Variants in PITPNC1 observed in about 807,000 individuals in gnomAD.
The protein encoded by PITPNC1 is phosphatidylinositol transfer protein cytoplasmic 1, also known as cytoplasmic phosphatidylinositol transfer protein 1.
A neutral mutation model predicts 44.7 loss-of-function variants in PITPNC1; 18 were observed. The observed-to-expected ratio is 0.40, with a 90% CI of 0.28 to 0.60. The LOEUF (loss-of-function observed/expected upper bound fraction) is 0.60. Ranked by LOEUF, PITPNC1 falls within the 20% of genes least tolerant of loss-of-function variation. PITPNC1 has a pLI of 0.39. For synonymous variants in PITPNC1, 141 were observed against 149.6 expected (o/e 0.94, Z 0.42); for missense variants, 290 against 418.4 (o/e 0.69, Z 2.68).
At chr17:67,505,668 G>T (rs1353029255) in intron 1 of PITPNC1, among the ~76,000 whole-genome samples, 2 of 152,006 alleles carry the variant, frequency 1.3e-5, no homozygotes, top group Non-Finnish European at 2.9e-5. Flanking sequence ...GTAGAGATGG[G>T]GTTTTACCGT....
chr17:67,634,697 G>A (rs997517333), intron 6 of PITPNC1, among the ~76,000 whole-genome samples: 38 of 152,130 alleles, frequency 2.5e-4, no homozygotes, highest in African/African-American at 9.2e-4. Flanking sequence ...CAGGTACGGG[G>A]AGAGACTGTG....
At chr17:67,485,830 C>T (rs973167612) in intron 1 of PITPNC1, among the ~76,000 whole-genome samples, 3 of 152,208 alleles carry the variant, frequency 2.0e-5, no homozygotes, top group Admixed American at 2.0e-4. Context: ...GTATGAGCCA[C>T]AAGCTGAAGG....
rs572508363 is a variant in PITPNC1, at chr17:67,599,898, GAA to G, written c.366+21643_366+21644del. On this transcript the variant is annotated intron_variant, in intron 5 of 8. Coordinates refer to ENST00000581322, the MANE Select transcript of PITPNC1 (RefSeq NM_012417.4). The stretch of plus-strand genomic sequence containing the variant: ...CAGTGACAGATAAAATACAAAGAGA[GAA>G]AGCCAAAGTGATATTGCTGGACTCG... Among the ~76,000 whole-genome samples, 21 of 152,302 alleles carry G rather than the reference GAA, an allele frequency of 1.4e-4. No individual in the cohort carries two copies. The South Asian group carries it at 4.4e-3, about 32-fold the overall frequency.
chr17:67,431,907 CTT>C (rs891568773), intron 1 of PITPNC1, among the ~76,000 whole-genome samples: 19 of 152,146 alleles, frequency 1.2e-4, no homozygotes, highest in African/African-American at 4.1e-4. Context: ...TCTTTAGTCT[CTT>C]CTCTTTGGCT....
chr17:67,629,463 T>C (rs889607182), intron 5 of PITPNC1, among the ~76,000 whole-genome samples: 3 of 152,138 alleles, frequency 2.0e-5, no homozygotes, highest in Admixed American at 1.3e-4. Context: ...CATCTCATCA[T>C]GTTGGCCAGG....
intron 2 of PITPNC1, among the ~76,000 whole-genome samples, chr17:67,551,389 G>A (rs2040760691): frequency 6.6e-6 from 1 of 152,142 alleles, no homozygotes; most frequent in Non-Finnish European, 1.5e-5. Context: ...GCAGTTCTGG[G>A]GGCCGGAAAC....
chr17:67,577,623 T>G (rs895087653), intron 4 of PITPNC1, among the ~76,000 whole-genome samples: 1 of 150,920 alleles, frequency 6.6e-6, no homozygotes, highest in African/African-American at 2.4e-5. Flanking sequence ...AAAATAAATT[T>G]AAAAATTTTT....
chr17:67,609,386 T>C (rs1381644487), intron 5 of PITPNC1, among the ~76,000 whole-genome samples: 1 of 147,256 alleles, frequency 6.8e-6, no homozygotes, highest in African/African-American at 2.5e-5. Flanking sequence ...GCCTCCCGGG[T>C]TCAAGTGATT....
chr17:67,552,608 C>G (rs746583941), intron 3 of PITPNC1, among the ~76,000 whole-genome samples: 1 of 151,980 alleles, frequency 6.6e-6, no homozygotes, highest in Non-Finnish European at 1.5e-5. Flanking sequence ...GGGCCAGGCG[C>G]AGTGGCTCAC....
chr17:67,561,121 A>C (rs2040901266), intron 4 of PITPNC1, among the ~76,000 whole-genome samples: 2 of 152,224 alleles, frequency 1.3e-5, no homozygotes, highest in African/African-American at 4.8e-5. Flanking sequence ...ATAAAACAGT[A>C]TGACTATGGG....
At chr17:67,506,524 T>G (rs1342349344) in intron 1 of PITPNC1, among the ~76,000 whole-genome samples, 1 of 152,166 alleles carries the variant, frequency 6.6e-6, no homozygotes, top group African/African-American at 2.4e-5. Flanking sequence ...TGAAAACAAT[T>G]TTTTTCTGTT....
At chr17:67,552,467 C>T in intron 3 of PITPNC1, 122 bp downstream of exon 3, 5 of 499,428 alleles carry the variant, frequency 1.0e-5, no homozygotes, top group South Asian at 2.6e-5. Context: ...TAGTATCCCT[C>T]TTTTTTTTTT....
chr17:67,460,740 CTTTTTTTTTTTT>C (rs138545288), intron 1 of PITPNC1, among the ~76,000 whole-genome samples: 1 of 121,542 alleles, frequency 8.2e-6, no homozygotes. Context: ...TTCTTTCTTT[CTTTTTTTTTTTT>C]TTTTTTTTTT....
At chr17:67,405,330 T>A (rs1329199163) in intron 1 of PITPNC1, among the ~76,000 whole-genome samples, 2 of 151,422 alleles carry the variant, frequency 1.3e-5, no homozygotes, top group Non-Finnish European at 2.9e-5. Flanking sequence ...GGTGGGAGGA[T>A]CATTTGAGCC....
chr17:67,618,554 C>A (rs1026261841), intron 5 of PITPNC1, among the ~76,000 whole-genome samples: 10 of 150,388 alleles, frequency 6.6e-5, no homozygotes, highest in Middle Eastern at 3.4e-3. Flanking sequence ...AGTTAAAGAC[C>A]AGCCTGGCCA....
At chr17:67,493,738 C>T (rs2039892752) in intron 1 of PITPNC1, among the ~76,000 whole-genome samples, 3 of 152,146 alleles carry the variant, frequency 2.0e-5, no homozygotes, top group East Asian at 3.9e-4. Context: ...TCCCTCCAGA[C>T]GTGAGATGGG....
intron 7 of PITPNC1, among the ~76,000 whole-genome samples, chr17:67,674,293 C>T (rs979175167): frequency 6.6e-6 from 1 of 151,940 alleles, no homozygotes; most frequent in Non-Finnish European, 1.5e-5. Context: ...TGCTCGAGGC[C>T]GGGAGTTTGA....
chr17:67,442,560 T>C (rs1021706706), intron 1 of PITPNC1, among the ~76,000 whole-genome samples: 6 of 151,956 alleles, frequency 3.9e-5, no homozygotes, highest in Admixed American at 1.3e-4. Flanking sequence ...AAATGCATTA[T>C]GGCTGGGCGT....
intron 6 of PITPNC1, among the ~76,000 whole-genome samples, chr17:67,644,455 GACAGAGTC>G (rs2042125279): frequency 9.4e-6 from 1 of 105,992 alleles, no homozygotes; most frequent in South Asian, 3.2e-4. Context: ...TTTTTTTTGA[GACAGAGTC>G]TCACTCTGTC....
Sources: allele counts gnomAD v4.1 joint callset (sites outside exome capture counted in the v4.1 genomes callset), GRCh38; gene constraint gnomAD v4.1.1; transcripts MANE v1.5; gene names NCBI Gene and HGNC (gene_info 2026-07-23, HGNC 2026-07-21).